The following TRANK1 variants were observed in gnomAD, a reference collection of about 807,000 sequenced individuals.
The protein encoded by TRANK1 is TPR and ankyrin repeat-containing protein 1.
TRANK1 carries 198 observed loss-of-function variants against 266.0 expected under a neutral mutation model. That is an observed-to-expected ratio of 0.74 (90% confidence interval 0.66 to 0.84). The LOEUF (loss-of-function observed/expected upper bound fraction) is 0.84. Ranked by LOEUF, TRANK1 falls within the 40% of genes least tolerant of loss-of-function variation. The pLI is 0.00. For synonymous variants in TRANK1, 1,396 were observed against 1,384.1 expected (o/e 1.01, Z -0.19); for missense variants, 3,326 against 3,634.6 (o/e 0.92, Z 2.18).
rs780830273 is a variant in TRANK1 at position 36,857,700 on chromosome 3, A to C, written c.2022T>G (p.Gly674=). The change falls in exon 13 of 24, where the codon GGT becomes GGG. Residue 674 remains glycine, a synonymous_variant. Coordinates refer to ENST00000645898, the MANE Select transcript of TRANK1 (RefSeq NM_001329998.2). The surrounding 1 kb of genome is among the most constrained non-coding windows in gnomAD (Gnocchi z 4.3). ...CCTGGGACTTGAGCTGAGATGTGTG[A>C]CCAGGGGCAGTGGACTTTGAGAGCT... ...LGKLSKSTAP[G]HTSQLKSQGS... is the part of the protein sequence containing the mutation. The C allele has an allele frequency of 6.2e-7, 1 of 1,613,968 alleles. No individual in the cohort carries two copies. The highest frequency in any genetic ancestry group is 1.1e-5 in the South Asian group (1 of 91,084).
chr3:36,865,543 T>A (rs1341568159), intron 9 of TRANK1, among the ~76,000 whole-genome samples: 1 of 152,114 alleles, frequency 6.6e-6, no homozygotes, highest in African/African-American at 2.4e-5. Flanking sequence ...AATATCTTTT[T>A]CATTCAAGTT....
intron 12 of TRANK1, among the ~76,000 whole-genome samples, chr3:36,858,335 C>A (rs2079088609): frequency 6.6e-6 from 1 of 152,322 alleles, no homozygotes; most frequent in African/African-American, 2.4e-5. Context: ...CTACAACGCA[C>A]AGAACAGTGC....
At chr3:36,934,482 C>T (rs2080397780) in intron 1 of TRANK1, among the ~76,000 whole-genome samples, 2 of 152,086 alleles carry the variant, frequency 1.3e-5, no homozygotes, top group South Asian at 2.1e-4. Flanking sequence ...TCATTAAAAA[C>T]GAGGGAAGCA....
rs761998671 is a variant in TRANK1, at chr3:36,855,702, G to A, written c.4020C>T (p.Ala1340=). ...IWPKMTKGRT[A]YNPALIWKEI... Reference sequence around the variant, plus strand: ...CTTTCCAAATCAGTGCAGGGTTGTAGGCAGTCCTCCCTTTGGTCATTTTGG... The same window carrying A: ...CTTTCCAAATCAGTGCAGGGTTGTAAGCAGTCCTCCCTTTGGTCATTTTGG... Residue 1340 remains alanine, a synonymous_variant, in exon 13 of 24, where the codon GCC becomes GCT. Transcript: ENST00000645898. The A allele has an allele frequency of 7.4e-6, 12 of 1,613,672 alleles. No individual in the cohort carries two copies. Among genetic ancestry groups the A allele is most frequent in the Non-Finnish European group, 9.3e-6 (11 of 1,179,886 alleles).
Position 36,846,273 on chromosome 3 carries a change from T to G in TRANK1, c.5166A>C (p.Gln1722His). 6.2e-7 allele frequency: 1 copy of G among 1,604,334 alleles called. No individual in the cohort carries two copies. Among genetic ancestry groups the G allele is most frequent in the South Asian group, 1.1e-5 (1 of 89,234 alleles). Residue 1722 changes from glutamine (Q) to histidine (H), a missense_variant, in exon 17 of 24, where the codon CAA (glutamine) becomes CAC (histidine). Transcript: ENST00000645898. The stretch of plus-strand genomic sequence containing the variant: ...CTTTATTTTCATCTGTCTTTACAAC[T>G]TGGACAAAATCTCTTCTAATGAAAT... ...FKYFIRRDFV[Q>H]VVKTDENKDF...
chr3:36,837,482 ACC>A (rs996541308), intron 20 of TRANK1, among the ~76,000 whole-genome samples: 1 of 151,898 alleles, frequency 6.6e-6, no homozygotes, highest in African/African-American at 2.4e-5. Context: ...AGACAAGAAA[ACC>A]CCCTTTCCTA....
At chr3:36,843,081 G>A (rs2078869802) in intron 17 of TRANK1, among the ~76,000 whole-genome samples, 1 of 152,192 alleles carries the variant, frequency 6.6e-6, no homozygotes, top group Non-Finnish European at 1.5e-5. Flanking sequence ...CTTGATCTTG[G>A]ACTTCTAGCC....
intron 1 of TRANK1, 23 bp downstream of exon 1, chr3:36,944,764 G>A (rs1575347901): frequency 6.7e-7 from 1 of 1,501,708 alleles, no homozygotes; most frequent in Middle Eastern, 2.1e-4. Context: ...AGATGCCCCA[G>A]TGCTTCCCGC....
intron 20 of TRANK1, among the ~76,000 whole-genome samples, 195 bp downstream of exon 20, chr3:36,838,177 G>T (rs1349243866): frequency 6.6e-6 from 1 of 152,086 alleles, no homozygotes; most frequent in Non-Finnish European, 1.5e-5. Context: ...ACACGCACAT[G>T]CATACTGTCT....
In TRANK1 at chr3:36,831,127, T is replaced by C. The variant is rs2078687512; in HGVS notation, c.8456A>G (p.Glu2819Gly). Reference sequence around the variant, plus strand: ...GTGGTGTTCTAGATGGATATGCTGCTCGTAAGACTCGCTGTTCCTCTCCTG... The same window carrying C: ...GTGGTGTTCTAGATGGATATGCTGCCCGTAAGACTCGCTGTTCCTCTCCTG... ...ECQERNSESY[E>G]QHIHLEHHQR... The change falls in exon 22 of 24, where the codon GAG (glutamate) becomes GGG (glycine). Residue 2819 changes from glutamate (E) to glycine (G), a missense_variant. Physicochemically the swap from Glu to Gly is moderately conservative, Grantham distance 98. Coordinates refer to ENST00000645898, the MANE Select transcript of TRANK1 (RefSeq NM_001329998.2). This position sits in a 1 kb window ranked among gnomAD's most constrained non-coding sequence, Gnocchi z 5.0. 6.2e-7 allele frequency: 1 copy of C among 1,613,876 alleles called. No individual in the cohort carries two copies. Among genetic ancestry groups the C allele is most frequent in the Non-Finnish European group, 8.5e-7 (1 of 1,179,902 alleles).
chr3:36,938,915 G>A (rs757458979), intron 1 of TRANK1, among the ~76,000 whole-genome samples: 7 of 151,758 alleles, frequency 4.6e-5, no homozygotes, highest in South Asian at 2.1e-4. Context: ...AGCCTAGATC[G>A]TGCCACCAAA....
rs745919001 is a variant in TRANK1, at chr3:36,831,184, A to G, written c.8399T>C (p.Leu2800Pro). Residue 2800 changes from leucine to proline, a missense_variant, in exon 22 of 24, where the codon CTT becomes CCT. Physicochemically the swap from Leu to Pro is moderately conservative, Grantham distance 98. Coordinates refer to ENST00000645898, the MANE Select transcript of TRANK1 (RefSeq NM_001329998.2). This position sits in a 1 kb window ranked among gnomAD's most constrained non-coding sequence, Gnocchi z 5.0. ...CTCCCTTTCCAGCTCAGCCCTGGAA[A>G]GGACTGCCACCTCGGAAGCTGCCCC... ...FEGAASEVAV[L>P]SRAELEREEC... 22 of 1,613,870 alleles carry G rather than the reference A, an allele frequency of 1.4e-5. No homozygotes were observed. The highest frequency in any genetic ancestry group is 1.8e-5 in the Non-Finnish European group (21 of 1,179,898).
Position 36,857,583 on chromosome 3 carries a change from G to A in TRANK1, c.2139C>T (p.Thr713=), listed in dbSNP as rs763612083. Residue 713 remains threonine, a synonymous_variant, in exon 13 of 24, where the codon ACC becomes ACT. Transcript: ENST00000645898. This position sits in a 1 kb window ranked among gnomAD's most constrained non-coding sequence, Gnocchi z 4.3. ...CTCCAGGCTCCTTCCTGGTCACCTGGGTACCTGGGAGAGTCTCCCAGCTGT... is the reference window on the plus strand; with the variant it reads ...CTCCAGGCTCCTTCCTGGTCACCTGAGTACCTGGGAGAGTCTCCCAGCTGT... ...VPDSWETLPG[T]QVTRKEPGAL... is the part of the protein sequence containing the mutation. The A allele has an allele frequency of 1.9e-6, 3 of 1,614,028 alleles. No homozygotes were observed. Among genetic ancestry groups the A allele is most frequent in the Non-Finnish European group, 2.5e-6 (3 of 1,179,888 alleles).
Position 36,828,388 on chromosome 3 carries a change from A to AGAAGGAAG in TRANK1, c.8810-21_8810-14dup, listed in dbSNP as rs61109537. 17,029 of 1,013,798 alleles carry AGAAGGAAG rather than the reference A, an allele frequency of 0.017. 429 individuals are homozygous for AGAAGGAAG. Among genetic ancestry groups the AGAAGGAAG allele is most frequent in the Non-Finnish European group, 0.019 (12,920 of 697,084 alleles). 62.8% of individuals were successfully genotyped at this position (1,013,798 alleles called of 1,614,324 possible). ...TCCTGAACAATACCTGAAGAAAGAA[A>AGAAGGAAG]GAAGGAAGGAAGGAAGGAAGGAAAG... On this transcript the variant is annotated splice_polypyrimidine_tract_variant and intron_variant, in intron 23 of 23. Transcript: ENST00000645898.
At chr3:36,913,328 G>T (rs542535244) in intron 1 of TRANK1, among the ~76,000 whole-genome samples, 39 of 152,088 alleles carry the variant, frequency 2.6e-4, no homozygotes, top group African/African-American at 9.4e-4. Flanking sequence ...GGGATTACAG[G>T]CTTGAGCCAC....
chr3:36,830,578 G>T (rs549370468), intron 22 of TRANK1, among the ~76,000 whole-genome samples: 7 of 152,148 alleles, frequency 4.6e-5, no homozygotes, highest in Non-Finnish European at 1.0e-4. Flanking sequence ...GAGAGAAAGC[G>T]ATTCATTCTA....
intron 1 of TRANK1, among the ~76,000 whole-genome samples, chr3:36,932,856 AGTTT>A (rs1342091997): frequency 4.6e-5 from 7 of 152,198 alleles, no homozygotes; most frequent in Non-Finnish European, 8.8e-5. Context: ...AATTTGTGGT[AGTTT>A]GTTTTTGCAG....
intron 15 of TRANK1, chr3:36,850,353 C>T (rs71328159): frequency 6.3e-5 from 62 of 985,352 alleles, no homozygotes; most frequent in Non-Finnish European, 7.4e-5. Context: ...GAATTCAATT[C>T]GCATGCGAGG....
At chr3:36,860,109 A>G (rs933730457) in intron 11 of TRANK1, among the ~76,000 whole-genome samples, 6 of 152,244 alleles carry the variant, frequency 3.9e-5, no homozygotes, top group African/African-American at 1.4e-4. Context: ...CGTAAAAGAC[A>G]ATTCCTCATA....
Sources: gnomAD v4.1 joint callset for allele counts (sites outside exome capture counted in the v4.1 genomes callset) on GRCh38, gnomAD v4.1.1 for gene constraint, Gnocchi (gnomAD v3.1) non-coding constraint, MANE v1.5 for transcripts, NCBI Gene and HGNC (gene_info 2026-07-23, HGNC 2026-07-21) for gene names.